PRUNE2: variants seen among roughly 807,000 people sequenced by gnomAD.
PRUNE2 encodes prune homolog 2 with BCH domain, also known as protein prune homolog 2.
In PRUNE2, 164 loss-of-function variants were observed where a neutral mutation model predicts 252.0. The ratio of observed to expected loss-of-function variants is 0.65; its 90% CI spans 0.57 to 0.74. The LOEUF (loss-of-function observed/expected upper bound fraction) is 0.74, where lower values mean the gene tolerates loss of function less well. Among genes scored for constraint, PRUNE2 ranks in the 30% least tolerant of loss-of-function variants. The probability of loss-of-function intolerance (pLI) is 0.00; values close to 1 mark genes in which losing one functional copy is unlikely to be tolerated. For missense variants in PRUNE2, 3,495 were observed against 3,711.0 expected, an observed-to-expected ratio of 0.94 and a Z score of 1.51; for synonymous variants, 1,292 against 1,350.2, an observed-to-expected ratio of 0.96 and a Z score of 0.94.
chr9:76,867,894 T>C (rs2060939595), intron 1 of PRUNE2, among the ~76,000 whole-genome samples: 2 of 152,110 alleles, frequency 1.3e-5, no homozygotes, highest in African/African-American at 4.8e-5. Flanking sequence ...TCTCTTAATC[T>C]TGACAGCCTA....
At chr9:76,627,310 C>T (rs111696142) in intron 16 of PRUNE2, among the ~76,000 whole-genome samples, 118 of 150,214 alleles carry the variant, frequency 7.9e-4, no homozygotes, top group African/African-American at 2.7e-3. Flanking sequence ...GGGGGGCTCA[C>T]CATGTTGCCC....
At chr9:76,755,445 A>C (rs2051052793) in intron 6 of PRUNE2, among the ~76,000 whole-genome samples, 1 of 152,186 alleles carries the variant, frequency 6.6e-6, no homozygotes, top group African/African-American at 2.4e-5. Flanking sequence ...GGGATATAAA[A>C]AAAAATACTC....
At chr9:76,806,126 G>A (rs1000423564) in intron 6 of PRUNE2, among the ~76,000 whole-genome samples, 2 of 152,140 alleles carry the variant, frequency 1.3e-5, no homozygotes, top group African/African-American at 2.4e-5. Flanking sequence ...AGCGGCATCA[G>A]CATCACCAGA....
In PRUNE2 at chr9:76,710,839, C is replaced by T; in HGVS notation, c.1435G>A (p.Glu479Lys). ...TGTTCTCCAGACCATGCATGTTCCT[C>T]CGCCACCGCCCCTTCAGGGATGGGG... ...YSPIPEGAVA[E>K]EHAWSGEHGE... Residue 479 changes from glutamate (E) to lysine (K), a missense_variant, in exon 8 of 19, where the codon GAG (glutamate) becomes AAG (lysine). Physicochemically the swap from Glu to Lys is moderately conservative, Grantham distance 56. Coordinates refer to ENST00000376718, the MANE Select transcript of PRUNE2 (RefSeq NM_015225.3). 6.5e-7 allele frequency: 1 copy of T among 1,545,678 alleles called. No homozygotes were observed. Among genetic ancestry groups the T allele is most frequent in the Non-Finnish European group, 8.7e-7 (1 of 1,147,920 alleles).
At chr9:76,676,981 A>AT (rs987286601) in intron 9 of PRUNE2, among the ~76,000 whole-genome samples, 1 of 152,216 alleles carries the variant, frequency 6.6e-6, no homozygotes, top group Admixed American at 6.5e-5. Context: ...CTTCACAAAT[A>AT]TTTTCTGAAG....
At chr9:76,853,086 C>T (rs1476190400) in intron 2 of PRUNE2, among the ~76,000 whole-genome samples, 1 of 152,182 alleles carries the variant, frequency 6.6e-6, no homozygotes, top group East Asian at 1.9e-4. Flanking sequence ...AACAGAGGCA[C>T]ATTTATCTCC....
intron 6 of PRUNE2, among the ~76,000 whole-genome samples, chr9:76,753,681 G>A (rs963877711): frequency 6.6e-5 from 10 of 152,066 alleles, no homozygotes; most frequent in Non-Finnish European, 8.8e-5. Context: ...TTGGGAGGCC[G>A]AGGCGGGCAG....
intron 1 of PRUNE2, among the ~76,000 whole-genome samples, chr9:76,872,630 CACACACACACACA>C (rs1351031066): frequency 1.5e-4 from 23 of 151,902 alleles, no homozygotes; most frequent in African/African-American, 5.3e-4. Context: ...CACACACACA[CACACACACACACA>C]CCCTCACACC....
At chr9:76,644,440 A>C in intron 12 of PRUNE2, 1 of 424,754 alleles carries the variant, frequency 2.4e-6, no homozygotes, top group Non-Finnish European at 4.5e-6. Context: ...AAGAATGCCA[A>C]ACAGACATTT....
chr9:76,819,022 G>A (rs548172952), intron 6 of PRUNE2, among the ~76,000 whole-genome samples: 101 of 152,280 alleles, frequency 6.6e-4, no homozygotes, highest in African/African-American at 2.3e-3. Context: ...AGGCTGAGGC[G>A]AGTTGATCGT....
rs777725971 is a variant in PRUNE2 at position 76,652,479 on chromosome 9, T to C, written c.8557+4A>G. 16 of 1,604,092 alleles carry C rather than the reference T, an allele frequency of 1.0e-5. No individual in the cohort carries two copies. The highest frequency in any genetic ancestry group is 1.4e-5 in the Non-Finnish European group (16 of 1,172,856). Reference sequence around the variant, plus strand: ...ACTTTGGCCTTGCCAACTTAGTGACTTACCATGGCCAGTGTACTCAAAAGA... The same window carrying C: ...ACTTTGGCCTTGCCAACTTAGTGACCTACCATGGCCAGTGTACTCAAAAGA... On this transcript the variant is annotated splice_donor_region_variant and intron_variant, in intron 11 of 18. Transcript: ENST00000376718.
rs371587279 is a variant in PRUNE2 at position 76,705,823 on chromosome 9, G to A, written c.6451C>T (p.Arg2151Trp). 41 of 1,613,422 alleles carry A rather than the reference G, an allele frequency of 2.5e-5. No homozygotes were observed. Among genetic ancestry groups the A allele is most frequent in the South Asian group, 8.8e-5 (8 of 91,084 alleles). ...IDEEPIYEPG[R>W]EFVPSNAELD... is the part of the protein sequence containing the mutation. ...TCTGCATTGGATGGGACAAACTCCC[G>A]TCCAGGCTCATAAATGGGTTCTTCA... The change falls in exon 8 of 19, where the codon CGG (arginine) becomes TGG (tryptophan). Residue 2151 changes from arginine to tryptophan, a missense_variant. Arg to Trp is a moderately radical substitution (Grantham distance 101). Transcript: ENST00000376718.
chr9:76,732,668 C>G (rs897176630), intron 6 of PRUNE2, among the ~76,000 whole-genome samples: 3 of 152,204 alleles, frequency 2.0e-5, no homozygotes, highest in Non-Finnish European at 2.9e-5. Flanking sequence ...GGGCTTGAGA[C>G]ATCACATTAG....
intron 1 of PRUNE2, among the ~76,000 whole-genome samples, chr9:76,855,304 A>G (rs114650702): frequency 0.014 from 2,085 of 152,134 alleles, 52 homozygotes; most frequent in African/African-American, 0.048. Flanking sequence ...GAGATGACAT[A>G]TGTACATACT....
At chr9:76,779,055 C>A (rs1409512750) in intron 6 of PRUNE2, 1 of 152,056 alleles carries the variant, frequency 6.6e-6, no homozygotes, top group Non-Finnish European at 1.5e-5. Flanking sequence ...TTTTATCTCA[C>A]CTTTGAAGAT....
At chr9:76,895,987 G>A (rs1426473963) in intron 1 of PRUNE2, among the ~76,000 whole-genome samples, 1 of 152,134 alleles carries the variant, frequency 6.6e-6, no homozygotes, top group Admixed American at 6.5e-5. Flanking sequence ...ATGTTGGTCA[G>A]GCTGGTCTTG....
At chr9:76,615,289 G>T in intron 18 of PRUNE2, 8 of 950,530 alleles carry the variant, frequency 8.4e-6, no homozygotes, top group Non-Finnish European at 1.0e-5. Context: ...AATAGAGGAA[G>T]AATTTCAGTT....
chr9:76,650,028 T>A (rs1382921749), intron 11 of PRUNE2, among the ~76,000 whole-genome samples: 1 of 151,936 alleles, frequency 6.6e-6, no homozygotes, highest in Non-Finnish European at 1.5e-5. Context: ...TGGCTTCAAG[T>A]ATGTAAGTCC....
rs746060341 is a variant in PRUNE2 at position 76,710,090 on chromosome 9, A to G, written c.2184T>C (p.Asn728=). 13 of 1,613,874 alleles carry G rather than the reference A, an allele frequency of 8.1e-6. No individual in the cohort carries two copies. The Admixed American group carries it at 2.2e-4, about 27-fold the overall frequency. The change falls in exon 8 of 19, where the codon AAT becomes AAC. Residue 728 remains asparagine, a synonymous_variant. Coordinates refer to ENST00000376718, the MANE Select transcript of PRUNE2 (RefSeq NM_015225.3). ...SEFGQPELGS[N]DIQDKNEESL... Reference sequence around the variant, plus strand: ...TTTCCTCATTTTTGTCTTGAATATCATTGCTACCCAGTTCAGGCTGACCAA... The same window carrying G: ...TTTCCTCATTTTTGTCTTGAATATCGTTGCTACCCAGTTCAGGCTGACCAA...
Sources: gnomAD v4.1 joint callset for allele counts (sites outside exome capture counted in the v4.1 genomes callset) on GRCh38, gnomAD v4.1.1 for gene constraint, MANE v1.5 for transcripts, NCBI Gene and HGNC (gene_info 2026-07-23, HGNC 2026-07-21) for gene names.